RNLS: variants seen among roughly 807,000 people sequenced by gnomAD.
RNLS encodes the protein renalase.
Under a neutral mutation model 39.8 loss-of-function variants are expected in RNLS, and 39 were observed. The observed-to-expected ratio is 0.98, with a 90% CI of 0.76 to 1.28. RNLS has a LOEUF of 1.28. RNLS is among the 50% of genes most tolerant of loss of function. RNLS has a pLI of 0.00. For synonymous variants in RNLS, 147 were observed against 150.7 expected, an observed-to-expected ratio of 0.98 and a Z score of 0.18; for missense variants, 410 against 413.3, an observed-to-expected ratio of 0.99 and a Z score of 0.07.
At chr10:88,201,576 A>G in the RNLS span, among the ~76,000 whole-genome samples, 1 of 152,156 alleles carries the variant, frequency 6.6e-6, no homozygotes, top group Non-Finnish European at 1.5e-5. Context: ...CACAGAAGCC[A>G]TCCAGAATCT....
At chr10:88,297,393 G>T (rs1844168685) in intron 6 of RNLS, among the ~76,000 whole-genome samples, 1 of 152,114 alleles carries the variant, frequency 6.6e-6, no homozygotes, top group Non-Finnish European at 1.5e-5. Flanking sequence ...TTTCATCATG[G>T]TTGTAATTTG....
At chr10:88,367,827 A>C (rs1850244876) in intron 4 of RNLS, among the ~76,000 whole-genome samples, 1 of 152,074 alleles carries the variant, frequency 6.6e-6, no homozygotes, top group African/African-American at 2.4e-5. Context: ...GCCTGTTCAA[A>C]TCTTTGCCCA....
chr10:88,454,384 C>T (rs1842513659), intron 4 of RNLS, among the ~76,000 whole-genome samples: 1 of 152,124 alleles, frequency 6.6e-6, no homozygotes, highest in South Asian at 2.1e-4. Context: ...TAGGTAGTTG[C>T]TGTATCCATG....
rs546278388 is a variant in RNLS at position 88,441,749 on chromosome 10, A to T, written c.527-79024T>A. ...AAGCATCGGAAATACAATCAAACAA[A>T]CATCTAAGATGGGCCGGAGATGCAA... On this transcript the variant is annotated intron_variant, in intron 4 of 6. Coordinates refer to ENST00000331772, the MANE Select transcript of RNLS (RefSeq NM_001031709.3). Among the ~76,000 whole-genome samples the T allele has an allele frequency of 8.5e-5, 13 of 152,280 alleles. No individual in the cohort carries two copies. In the East Asian group the frequency reaches 2.3e-3, roughly 27 times the overall value.
chr10:88,327,177 A>G (rs112340551), intron 5 of RNLS, among the ~76,000 whole-genome samples: 8,199 of 152,164 alleles, frequency 0.054, 283 homozygotes, highest in South Asian at 0.1. Context: ...GTTAGTTAGG[A>G]CTTTGGCAGA....
chr10:88,449,660 GTC>G (rs1407307190), intron 4 of RNLS, among the ~76,000 whole-genome samples: 1 of 152,110 alleles, frequency 6.6e-6, no homozygotes, highest in African/African-American at 2.4e-5. Flanking sequence ...TATAAAAGAC[GTC>G]TCTGACTTCT....
At chr10:88,282,516 C>T (rs1343574108), downstream of RNLS, among the ~76,000 whole-genome samples, 2 of 146,308 alleles carry the variant, frequency 1.4e-5, no homozygotes, top group South Asian at 2.2e-4. Flanking sequence ...CACACACACA[C>T]ACACACACAC....
At chr10:88,187,392 A>G in the RNLS span, among the ~76,000 whole-genome samples, 200 of 151,918 alleles carry the variant, frequency 1.3e-3, 1 homozygote, top group African/African-American at 4.6e-3. Flanking sequence ...CTCCTAGCCT[A>G]TATTTAGATG....
At chr10:88,519,194 C>A (rs1237238095) in intron 4 of RNLS, among the ~76,000 whole-genome samples, 1 of 151,948 alleles carries the variant, frequency 6.6e-6, no homozygotes, top group African/African-American at 2.4e-5. Context: ...CTATTCTTTT[C>A]TAAGCCTATC....
chr10:88,512,582 A>G (rs1029361939), intron 4 of RNLS, among the ~76,000 whole-genome samples: 24 of 152,142 alleles, frequency 1.6e-4, no homozygotes, highest in Admixed American at 3.3e-4. Context: ...TTTATTTAAC[A>G]TCACCTATGG....
intron 6 of RNLS, among the ~76,000 whole-genome samples, chr10:88,288,947 G>C (rs1348948246): frequency 6.6e-6 from 1 of 152,156 alleles, no homozygotes; most frequent in East Asian, 1.9e-4. Context: ...GCAGCCTTTG[G>C]CTATGCTTTC....
intron 4 of RNLS, among the ~76,000 whole-genome samples, chr10:88,369,537 G>T (rs1177540605): frequency 6.6e-6 from 1 of 152,102 alleles, no homozygotes; most frequent in Non-Finnish European, 1.5e-5. Context: ...CAACTCTCAT[G>T]GGGCATTGAT....
At chr10:88,204,764 T>C in the RNLS span, among the ~76,000 whole-genome samples, 2 of 152,182 alleles carry the variant, frequency 1.3e-5, no homozygotes, top group Non-Finnish European at 2.9e-5. Context: ...AGTTTTACTA[T>C]TTTTCACTAT....
chr10:88,454,589 A>G (rs1163436967), intron 4 of RNLS, among the ~76,000 whole-genome samples: 1 of 152,238 alleles, frequency 6.6e-6, no homozygotes, highest in African/African-American at 2.4e-5. Flanking sequence ...AACCTCCAAC[A>G]AGGTCAACTC....
chr10:88,201,167 A>G, the RNLS span, among the ~76,000 whole-genome samples: 1 of 152,226 alleles, frequency 6.6e-6, no homozygotes, highest in Non-Finnish European at 1.5e-5. Context: ...AGATGGTTGC[A>G]TCTTTAAAAT....
At chr10:88,438,266 C>CT in intron 4 of RNLS, among the ~76,000 whole-genome samples, 1 of 152,266 alleles carries the variant, frequency 6.6e-6, no homozygotes, top group East Asian at 1.9e-4. Context: ...AATTGACACT[C>CT]TGACGATGGC....
intron 6 of RNLS, 41 bp downstream of exon 6, chr10:88,314,425 A>T: frequency 6.3e-7 from 1 of 1,597,398 alleles, no homozygotes; most frequent in Non-Finnish European, 8.6e-7. Context: ...TGAGCCTGTT[A>T]AGAAAATTGT....
chr10:88,171,729 C>A, the RNLS span, among the ~76,000 whole-genome samples: 1 of 152,124 alleles, frequency 6.6e-6, no homozygotes, highest in Admixed American at 6.6e-5. Context: ...TGAAAATATA[C>A]AATGAATTAT....
intron 6 of RNLS, among the ~76,000 whole-genome samples, chr10:88,288,900 G>A (rs1363899516): frequency 1.3e-5 from 2 of 152,116 alleles, no homozygotes; most frequent in Non-Finnish European, 2.9e-5. Context: ...TGCAGTGGAG[G>A]AGCACGTAAT....
Sources: allele counts gnomAD v4.1 joint callset (sites outside exome capture counted in the v4.1 genomes callset), GRCh38; gene constraint gnomAD v4.1.1; transcripts MANE v1.5; gene names NCBI Gene and HGNC (gene_info 2026-07-23, HGNC 2026-07-21).